Variants in NIN observed in about 807,000 individuals in gnomAD.
NIN encodes glycogen synthase kinase 3 beta-interacting protein.
NIN carries 137 observed loss-of-function variants against 257.6 expected under a neutral mutation model. The ratio of observed to expected loss-of-function variants is 0.53; its 90% CI spans 0.46 to 0.61. The LOEUF (loss-of-function observed/expected upper bound fraction) is 0.61. NIN is among the 20% of genes least tolerant of loss of function. The pLI, the probability that NIN is intolerant of heterozygous loss-of-function variation, is 0.00. For missense variants in NIN, 2,439 were observed against 2,501.2 expected (o/e 0.98, Z 0.53); for synonymous variants, 918 against 919.8 (o/e 1.00, Z 0.04).
chr14:50,809,929 C>T (rs2044504591), intron 3 of NIN, among the ~76,000 whole-genome samples: 1 of 152,050 alleles, frequency 6.6e-6, no homozygotes, highest in East Asian at 1.9e-4. Flanking sequence ...AGGGAGGTGT[C>T]ATAAAGCCCA....
intron 15 of NIN, among the ~76,000 whole-genome samples, chr14:50,762,385 A>G (rs1461062572): frequency 6.6e-6 from 1 of 152,206 alleles, no homozygotes; most frequent in Non-Finnish European, 1.5e-5. Flanking sequence ...CATGGGTCAC[A>G]CTATCAACAA....
intron 3 of NIN, among the ~76,000 whole-genome samples, chr14:50,818,519 G>A (rs72683650): frequency 0.083 from 12,550 of 152,026 alleles, 768 homozygotes; most frequent in East Asian, 0.24. Flanking sequence ...TTTGCTCCCC[G>A]TGCTACTCAT....
rs747743608 is a variant in NIN at position 50,777,082 on chromosome 14, G to A, written c.533C>T (p.Pro178Leu). The change falls in exon 7 of 31, where the codon CCT becomes CTT. Residue 178 changes from proline to leucine, a missense_variant. Physicochemically the swap from Pro to Leu is moderately conservative, Grantham distance 98. Coordinates refer to ENST00000530997, the MANE Select transcript of NIN (RefSeq NM_020921.4). ...DLNASQSGSS[P>L]PQDWIEEKLQ... ...TTTCTCTTCTATCCAGTCTTGGGGAGGGGAAGATCCACTCTGTGAAGCATT... is the reference window on the plus strand; with the variant it reads ...TTTCTCTTCTATCCAGTCTTGGGGAAGGGAAGATCCACTCTGTGAAGCATT... 3 of 1,613,992 alleles carry A rather than the reference G, an allele frequency of 1.9e-6. No homozygotes were observed. The highest frequency in any genetic ancestry group is 1.7e-4 in the Middle Eastern group (1 of 6,058).
chr14:50,720,635 A>C lies in NIN; in HGVS notation c.*2828T>G. On this transcript the variant is annotated 3_prime_UTR_variant, in exon 31 of 31. Coordinates refer to ENST00000530997, the MANE Select transcript of NIN (RefSeq NM_020921.4). The stretch of plus-strand genomic sequence containing the variant: ...GAATTCACATTTAAAACAGTTTAAA[A>C]AATCTGGATTTAGTAAGAGTTTTAG... 1 of 207,078 alleles carries C rather than the reference A, an allele frequency of 4.8e-6. No individual in the cohort carries two copies. 12.8% of individuals were successfully genotyped at this position (207,078 alleles called of 1,614,324 possible). A position where few individuals can be genotyped will look rare whatever the true frequency, so the allele number is the denominator to read the frequency against.
chr14:50,760,120 CT>C lies in NIN; in HGVS notation c.2135del (p.Lys712ArgfsTer8), dbSNP rs1169498230. 1 of 1,614,210 alleles carries C rather than the reference CT, an allele frequency of 6.2e-7. No individual in the cohort carries two copies. The highest frequency in any genetic ancestry group is 8.5e-7 in the Non-Finnish European group (1 of 1,180,042). On this transcript the variant is annotated frameshift_variant, in exon 17 of 31. Transcript: ENST00000530997. LOFTEE classifies it high-confidence loss of function. The part of the protein sequence containing the change: ...KQLQVKLEEE[K>X]THLQEKLRLQ... ...GCCTCAGCTTCTCCTGCAGGTGAGTCTTTTCCTCCTCAAGCTTCACTTGCAG... is the reference window on the plus strand; with the variant it reads ...GCCTCAGCTTCTCCTGCAGGTGAGTCTTTCCTCCTCAAGCTTCACTTGCAG...
intron 21 of NIN, among the ~76,000 whole-genome samples, chr14:50,749,062 A>G (rs140156136): frequency 0.036 from 5,529 of 152,284 alleles, 101 homozygotes; most frequent in Non-Finnish European, 0.049. Flanking sequence ...TTCAAACTAT[A>G]CTACAAGGCT....
At chr14:50,730,299 C>T (rs757540106) in intron 28 of NIN, among the ~76,000 whole-genome samples, 3 of 152,074 alleles carry the variant, frequency 2.0e-5, no homozygotes, top group Non-Finnish European at 4.4e-5. Context: ...CAATAATATC[C>T]TAGAACATCT....
chr14:50,826,871 C>T (rs1219986516), intron 2 of NIN, among the ~76,000 whole-genome samples: 1 of 152,212 alleles, frequency 6.6e-6, no homozygotes, highest in African/African-American at 2.4e-5. Context: ...GGCTCAGCTG[C>T]TTTCCTTGAG....
At chr14:50,826,190 C>T (rs913866586) in intron 2 of NIN, among the ~76,000 whole-genome samples, 18 of 152,172 alleles carry the variant, frequency 1.2e-4, no homozygotes, top group Admixed American at 8.5e-4. Context: ...ACATTTTGAG[C>T]GAGAAATTCT....
chr14:50,741,775 C>A, intron 24 of NIN, 47 bp from the exon 25 acceptor site: 1 of 1,597,564 alleles, frequency 6.3e-7, no homozygotes, highest in South Asian at 1.1e-5. Flanking sequence ...CTCTTGTGGT[C>A]TCACCTCTAG....
chr14:50,830,203 C>T (rs2045638822), intron 2 of NIN, among the ~76,000 whole-genome samples: 1 of 152,254 alleles, frequency 6.6e-6, no homozygotes, highest in Non-Finnish European at 1.5e-5. Context: ...GGGACTCAAG[C>T]CTGCTCTCGG....
intron 7 of NIN, among the ~76,000 whole-genome samples, chr14:50,776,241 A>G (rs1475966933): frequency 2.6e-5 from 4 of 152,312 alleles, no homozygotes; most frequent in Non-Finnish European, 5.9e-5. Flanking sequence ...TCATGCACCC[A>G]GTCCTACCAG....
In NIN at chr14:50,723,335, A is replaced by G. The variant is rs1222748331; in HGVS notation, c.*128T>C. The G allele has an allele frequency of 4.3e-6, 3 of 693,436 alleles. No homozygotes were observed. The highest frequency in any genetic ancestry group is 7.2e-6 in the Non-Finnish European group (3 of 417,908). 43.0% of individuals were successfully genotyped at this position (693,436 alleles called of 1,614,324 possible). On this transcript the variant is annotated 3_prime_UTR_variant, in exon 31 of 31. Coordinates refer to ENST00000530997, the MANE Select transcript of NIN (RefSeq NM_020921.4). ...AAGGGTCTATTTAGAAAAACTAATTATGATAAATGGAAACTCCAGTTGTGT... is the reference window on the plus strand; with the variant it reads ...AAGGGTCTATTTAGAAAAACTAATTGTGATAAATGGAAACTCCAGTTGTGT...
chr14:50,797,533 G>A (rs949057148), intron 4 of NIN, among the ~76,000 whole-genome samples: 2 of 152,136 alleles, frequency 1.3e-5, no homozygotes, highest in Non-Finnish European at 2.9e-5. Flanking sequence ...CTCAAGGCCA[G>A]CATCCCCAAG....
chr14:50,767,722 C>T (rs574817913), intron 12 of NIN, among the ~76,000 whole-genome samples: 3 of 150,256 alleles, frequency 2.0e-5, no homozygotes, highest in Admixed American at 6.7e-5. Flanking sequence ...GAGGCTGAGG[C>T]GGGAGAATGG....
chr14:50,791,809 A>ACACACAAACACACACACACAC (rs2043605904), intron 5 of NIN, among the ~76,000 whole-genome samples: 1 of 108,260 alleles, frequency 9.2e-6, no homozygotes, highest in Admixed American at 8.3e-5. Context: ...GTGCACGCGC[A>ACACACAAACACACACACACAC]CACACACACA....
chr14:50,826,515 A>AC (rs1171091897), intron 2 of NIN, among the ~76,000 whole-genome samples: 1 of 152,230 alleles, frequency 6.6e-6, no homozygotes, highest in Non-Finnish European at 1.5e-5. Context: ...GGTGTTCATT[A>AC]CCCCAGCTGA....
rs1227850927 is a variant in NIN at position 50,732,615 on chromosome 14, A to T, written c.5878-2892T>A. Among the ~76,000 whole-genome samples, 5 of 152,258 alleles carry T rather than the reference A, an allele frequency of 3.3e-5. No individual in the cohort carries two copies. The South Asian group carries it at 6.2e-4, about 19-fold the overall frequency. Reference sequence around the variant, plus strand: ...CAAATTCTATGTTAGGTATATATTTATCACAGGTTAAAAATTAATATACTA... The same window carrying T: ...CAAATTCTATGTTAGGTATATATTTTTCACAGGTTAAAAATTAATATACTA... On this transcript the variant is annotated intron_variant, in intron 28 of 30. Coordinates refer to ENST00000530997, the MANE Select transcript of NIN (RefSeq NM_020921.4).
chr14:50,793,795 G>A (rs1160219043), intron 4 of NIN, among the ~76,000 whole-genome samples: 2 of 152,108 alleles, frequency 1.3e-5, no homozygotes, highest in African/African-American at 2.4e-5. Flanking sequence ...GAGCTTTAAA[G>A]CAATAAAATA....
Sources: gnomAD v4.1 joint callset for allele counts (sites outside exome capture counted in the v4.1 genomes callset) on GRCh38, gnomAD v4.1.1 for gene constraint, MANE v1.5 for transcripts, NCBI Gene and HGNC (gene_info 2026-07-23, HGNC 2026-07-21) for gene names.